GLG1: variants seen among roughly 807,000 people sequenced by gnomAD.
The protein encoded by GLG1 is Golgi apparatus protein 1.
A neutral mutation model predicts 160.5 loss-of-function variants in GLG1; 38 were observed. That is an observed-to-expected ratio of 0.24 (90% CI 0.18 to 0.31). The LOEUF (loss-of-function observed/expected upper bound fraction) is 0.31. Among genes scored for constraint, GLG1 ranks in the 10% least tolerant of loss-of-function variants. The probability of loss-of-function intolerance (pLI) is 1.00; values close to 1 mark genes in which losing one functional copy is unlikely to be tolerated. For missense variants in GLG1, 1,373 were observed against 1,505.2 expected (o/e 0.91, Z 1.45); for synonymous variants, 644 against 543.4 (o/e 1.19, Z -2.57).
rs527765451 is a variant in GLG1 at position 74,469,164 on chromosome 16, C to T, written c.2319-101G>A. The T allele has an allele frequency of 6.3e-5, 48 of 759,832 alleles. No homozygotes were observed. The South Asian group carries it at 6.8e-4, about 11-fold the overall frequency. 47.1% of individuals were successfully genotyped at this position (759,832 alleles called of 1,614,324 possible). Reference sequence around the variant, plus strand: ...TCACACCATTAAGAATTCAAGATGCCCTTTGGGGGAATGTCTTTCCTGTAA... The same window carrying T: ...TCACACCATTAAGAATTCAAGATGCTCTTTGGGGGAATGTCTTTCCTGTAA... On this transcript the variant is annotated intron_variant, in intron 16 of 25. Coordinates refer to ENST00000422840, the MANE Select transcript of GLG1 (RefSeq NM_001145667.2).
At chr16:74,579,598 T>A (rs922717698) in intron 1 of GLG1, among the ~76,000 whole-genome samples, 7 of 151,956 alleles carry the variant, frequency 4.6e-5, no homozygotes, top group Admixed American at 2.0e-4. Context: ...GGCACACACC[T>A]GTAGTCCCAG....
At chr16:74,508,040 TAG>T (rs894807540) in intron 3 of GLG1, among the ~76,000 whole-genome samples, 13 of 152,026 alleles carry the variant, frequency 8.6e-5, no homozygotes, top group African/African-American at 3.1e-4. Flanking sequence ...GATCTAGTAT[TAG>T]AAAGTTTGAG....
intron 1 of GLG1, among the ~76,000 whole-genome samples, chr16:74,583,034 G>A (rs1597370890): frequency 6.6e-6 from 1 of 151,490 alleles, no homozygotes; most frequent in East Asian, 2.0e-4. Flanking sequence ...CCTTTCCTTG[G>A]CTTCCACAAC....
intron 15 of GLG1, 142 bp from the exon 16 acceptor site, chr16:74,470,215 T>A: frequency 1.5e-6 from 1 of 653,804 alleles, no homozygotes; most frequent in Non-Finnish European, 2.8e-6. Context: ...CATCACGACC[T>A]GCTCATCTCT....
chr16:74,514,317 C>G (rs948140102), intron 2 of GLG1, among the ~76,000 whole-genome samples: 2 of 152,140 alleles, frequency 1.3e-5, no homozygotes, highest in African/African-American at 4.8e-5. Flanking sequence ...TCAAGAAGAG[C>G]AACCCCAAGA....
Position 74,467,817 on chromosome 16 carries a change from T to C in GLG1, c.2468A>G (p.Tyr823Cys). 1.9e-6 allele frequency: 3 copies of C among 1,613,502 alleles called. No individual in the cohort carries two copies. The highest frequency in any genetic ancestry group is 2.5e-6 in the Non-Finnish European group (3 of 1,179,512). Residue 823 changes from tyrosine (Y) to cysteine (C), a missense_variant, in exon 18 of 26, where the codon TAC (tyrosine) becomes TGC (cysteine). Around this residue, in one of 4 missense-constraint regions of GLG1, gnomAD observed 491 missense variants for 632.1 expected, o/e 0.78. Coordinates refer to ENST00000422840, the MANE Select transcript of GLG1 (RefSeq NM_001145667.2). Reference sequence around the variant, plus strand: ...TTTGATGTCACTCTTGCAGGCTTCGTATAGATCTGGCTCCAAGCGGATGTC... The same window carrying C: ...TTTGATGTCACTCTTGCAGGCTTCGCATAGATCTGGCTCCAAGCGGATGTC... ...TEDIRLEPDLYEACKSDIKNF... is the reference protein window; with the variant it reads ...TEDIRLEPDLCEACKSDIKNF...
At chr16:74,521,394 C>T (rs1265603208) in intron 2 of GLG1, among the ~76,000 whole-genome samples, 1 of 152,062 alleles carries the variant, frequency 6.6e-6, no homozygotes, top group African/African-American at 2.4e-5. Context: ...GAGGCCAACA[C>T]AGAAGTCCCG....
chr16:74,540,038 ATATATATATTATATATATT>A, intron 1 of GLG1, among the ~76,000 whole-genome samples: 1 of 16,454 alleles, frequency 6.1e-5, no homozygotes, highest in African/African-American at 2.2e-4. Flanking sequence ...TATATATTTT[ATATATATATTATATATATT>A]TTATATATAT....
chr16:74,493,833 C>A (rs1055506115), intron 6 of GLG1, among the ~76,000 whole-genome samples: 2 of 152,158 alleles, frequency 1.3e-5, no homozygotes, highest in South Asian at 2.1e-4. Flanking sequence ...GCAGGGCTGG[C>A]CTTAGTGTGG....
At chr16:74,581,276 T>C (rs1372212765) in intron 1 of GLG1, among the ~76,000 whole-genome samples, 2 of 152,042 alleles carry the variant, frequency 1.3e-5, no homozygotes, top group Non-Finnish European at 2.9e-5. Context: ...ATAAACAAAA[T>C]GCAGTGTATA....
chr16:74,510,549 T>C (rs2016771504), intron 2 of GLG1, among the ~76,000 whole-genome samples: 1 of 152,180 alleles, frequency 6.6e-6, no homozygotes, highest in South Asian at 2.1e-4. Flanking sequence ...AACATGAAGA[T>C]GTATGTATAT....
At chr16:74,500,453 AAC>A (rs756845164) in intron 4 of GLG1, among the ~76,000 whole-genome samples, 1 of 151,838 alleles carries the variant, frequency 6.6e-6, no homozygotes, top group Non-Finnish European at 1.5e-5. Context: ...GTCCTTTAAC[AAC>A]AACGGCCCCC....
chr16:74,599,423 A>C (rs1054780978), intron 1 of GLG1, among the ~76,000 whole-genome samples: 4 of 152,196 alleles, frequency 2.6e-5, no homozygotes, highest in Non-Finnish European at 5.9e-5. Context: ...AAGAATCTTA[A>C]GAGATAATCC....
chr16:74,465,686 T>G lies in GLG1; in HGVS notation c.2657A>C (p.Gln886Pro). 3 of 1,613,912 alleles carry G rather than the reference T, an allele frequency of 1.9e-6. No individual in the cohort carries two copies. The part of the protein sequence containing the change: ...LDYTLMRVCK[Q>P]MIKRFCPEAD... ...GTGTCGGCTTCTCACCTTTATCATC[T>G]GCTTGCAGACCCTCATGAGGGTGTA... The change falls in exon 19 of 26, where the codon CAG becomes CCG. Residue 886 changes from glutamine (Q) to proline (P), a missense_variant. Physicochemically the swap from Gln to Pro is moderately conservative, Grantham distance 76 (BLOSUM62 -1). Around this residue, in one of 4 missense-constraint regions of GLG1, gnomAD observed 491 missense variants for 632.1 expected, o/e 0.78. Transcript: ENST00000422840.
At chr16:74,573,650 G>C (rs922467503) in intron 1 of GLG1, among the ~76,000 whole-genome samples, 1 of 141,972 alleles carries the variant, frequency 7.0e-6, no homozygotes, top group Non-Finnish European at 1.5e-5. Flanking sequence ...CGACCTCCTG[G>C]GCTCAGCTTC....
At chr16:74,606,207 C>T (rs1958561477) in intron 1 of GLG1, among the ~76,000 whole-genome samples, 1 of 152,206 alleles carries the variant, frequency 6.6e-6, no homozygotes, top group Non-Finnish European at 1.5e-5. Context: ...TTGCGAATTA[C>T]ATCTACTGCT....
intron 16 of GLG1, 106 bp downstream of exon 16, chr16:74,469,879 G>C: frequency 1.3e-6 from 1 of 777,332 alleles, no homozygotes. Flanking sequence ...GGCCTCCAGG[G>C]CTAACCCCAC....
intron 1 of GLG1, among the ~76,000 whole-genome samples, chr16:74,540,626 GA>G (rs2017835659): frequency 6.6e-6 from 1 of 151,406 alleles, no homozygotes; most frequent in African/African-American, 2.4e-5. Flanking sequence ...TCTACTATCT[GA>G]AAATTTTTTC....
At chr16:74,485,967 G>C (rs890277172) in intron 8 of GLG1, 50 bp from the exon 9 acceptor site, 1 of 1,482,152 alleles carries the variant, frequency 6.7e-7, no homozygotes, top group Non-Finnish European at 9.3e-7. Context: ...TTAGGTGCTA[G>C]GTAAGAGCAG....
Sources: allele counts gnomAD v4.1 joint callset (sites outside exome capture counted in the v4.1 genomes callset), GRCh38; gene constraint gnomAD v4.1.1; regional missense constraint gnomAD v4.1.1; transcripts MANE v1.5; gene names NCBI Gene and HGNC (gene_info 2026-07-23, HGNC 2026-07-21).